Variants in RAB38 observed in about 807,000 individuals in gnomAD.
The protein encoded by RAB38 is ras-related protein Rab-38.
RAB38 carries 15 observed loss-of-function variants against 18.4 expected under a neutral mutation model. That is an observed-to-expected ratio of 0.82 (90% CI 0.55 to 1.26). The LOEUF is 1.26. RAB38 is among the 50% of genes most tolerant of loss of function. The probability of loss-of-function intolerance (pLI) is 0.00; values close to 1 mark genes in which losing one functional copy is unlikely to be tolerated. For missense variants in RAB38, 294 were observed against 267.4 expected, an observed-to-expected ratio of 1.10 and a Z score of -0.69; for synonymous variants, 101 against 104.4, an observed-to-expected ratio of 0.97 and a Z score of 0.20.
the RAB38 span, among the ~76,000 whole-genome samples, chr11:87,958,358 T>C: frequency 6.6e-6 from 1 of 152,218 alleles, no homozygotes; most frequent in Non-Finnish European, 1.5e-5. Context: ...TAACCCAAGT[T>C]AAGAAGCATC....
chr11:87,931,428 G>A, the RAB38 span, among the ~76,000 whole-genome samples: 5 of 151,962 alleles, frequency 3.3e-5, no homozygotes, highest in Non-Finnish European at 7.4e-5. Flanking sequence ...TCAGGCTGAT[G>A]CTTTGCACTA....
the RAB38 span, among the ~76,000 whole-genome samples, chr11:87,871,388 C>G: frequency 5.3e-5 from 8 of 151,576 alleles, no homozygotes; most frequent in African/African-American, 1.9e-4. Flanking sequence ...AAAACAAATT[C>G]TCAAATATAT....
the RAB38 span, among the ~76,000 whole-genome samples, chr11:87,905,516 C>A: frequency 6.6e-6 from 1 of 151,792 alleles, no homozygotes; most frequent in Non-Finnish European, 1.5e-5. Context: ...TGTACTTCAG[C>A]TTTTTTATAT....
the RAB38 span, among the ~76,000 whole-genome samples, chr11:88,003,702 ATTG>A: frequency 1.2e-3 from 3 of 2,410 alleles, no homozygotes; most frequent in African/African-American, 8.7e-3. Flanking sequence ...TATATAATAT[ATTG>A]TATATATTAT....
At chr11:87,880,769 C>G in the RAB38 span, among the ~76,000 whole-genome samples, 15,147 of 151,876 alleles carry the variant, frequency 0.1, 1,092 homozygotes, top group Admixed American at 0.22. Context: ...ATATTATTCA[C>G]TCAGTCAATT....
the RAB38 span, among the ~76,000 whole-genome samples, chr11:87,950,288 C>A: frequency 6.6e-6 from 1 of 152,032 alleles, no homozygotes; most frequent in South Asian, 2.1e-4. Flanking sequence ...TGTCTCTGCA[C>A]GTGAGATGGG....
rs371871949 is a variant in RAB38, at chr11:88,175,407, C to G, written c.-23G>C. The G allele has an allele frequency of 3.5e-5, 54 of 1,552,184 alleles. No homozygotes were observed. In the African/African-American group the frequency reaches 4.3e-4, roughly 12 times the overall value. On this transcript the variant is annotated 5_prime_UTR_variant, in exon 1 of 3. Coordinates refer to ENST00000243662, the MANE Select transcript of RAB38 (RefSeq NM_022337.3). The stretch of plus-strand genomic sequence containing the variant: ...CATCCTGGCGGCCGGCCAGACGTGC[C>G]GTGCCTGACCAGGGAAGCGCAGCCT...
intron 2 of RAB38, among the ~76,000 whole-genome samples, chr11:88,127,613 C>CT (rs917821337): frequency 2.6e-5 from 4 of 152,116 alleles, no homozygotes; most frequent in African/African-American, 7.2e-5. Flanking sequence ...CCATTTTTAT[C>CT]TTTCTCTAAT....
At chr11:87,937,342 ATATATATATC>A in the RAB38 span, among the ~76,000 whole-genome samples, 100 of 123,366 alleles carry the variant, frequency 8.1e-4, 3 homozygotes, top group South Asian at 0.01. Flanking sequence ...ATATATATAT[ATATATATATC>A]ATAATTCTAT....
the RAB38 span, among the ~76,000 whole-genome samples, chr11:87,812,477 G>A: frequency 1.1e-4 from 17 of 152,220 alleles, no homozygotes; most frequent in African/African-American, 3.6e-4. Flanking sequence ...CGTATGTTTT[G>A]GTTGGAGAAA....
the RAB38 span, chr11:87,880,153 G>A: frequency 6.6e-6 from 1 of 151,866 alleles, no homozygotes; most frequent in Non-Finnish European, 1.5e-5. Context: ...ACTAGAAATA[G>A]TATTTTTATT....
chr11:87,825,514 C>G, the RAB38 span, among the ~76,000 whole-genome samples: 2 of 152,120 alleles, frequency 1.3e-5, no homozygotes, highest in Non-Finnish European at 2.9e-5. Flanking sequence ...ATGTGGTTAT[C>G]TCCTTCTCTT....
chr11:87,941,320 T>G, the RAB38 span, among the ~76,000 whole-genome samples: 1 of 147,874 alleles, frequency 6.8e-6, no homozygotes, highest in Non-Finnish European at 1.5e-5. Context: ...TCTCATCCTC[T>G]AACCACATGG....
intron 2 of RAB38, among the ~76,000 whole-genome samples, chr11:88,130,923 A>C (rs553813878): frequency 6.6e-6 from 1 of 152,332 alleles, no homozygotes; most frequent in East Asian, 1.9e-4. Context: ...TGACTACTTC[A>C]GTTCATTGTT....
chr11:88,154,636 C>T (rs1185345133), intron 1 of RAB38, among the ~76,000 whole-genome samples: 1 of 152,186 alleles, frequency 6.6e-6, no homozygotes, highest in African/African-American at 2.4e-5. Flanking sequence ...GATCGTGGTA[C>T]AGCAAGTCCC....
the RAB38 span, among the ~76,000 whole-genome samples, chr11:88,069,937 AC>A: frequency 6.6e-6 from 1 of 152,192 alleles, no homozygotes; most frequent in South Asian, 2.1e-4. Flanking sequence ...ACCAATCAGC[AC>A]CCTGTCAAAA....
the RAB38 span, among the ~76,000 whole-genome samples, chr11:88,091,884 G>C: frequency 6.6e-6 from 1 of 151,898 alleles, no homozygotes; most frequent in Non-Finnish European, 1.5e-5. Flanking sequence ...GGCAACTGTA[G>C]AGGCTCTTGG....
chr11:87,826,152 G>A, the RAB38 span, among the ~76,000 whole-genome samples: 2 of 151,954 alleles, frequency 1.3e-5, no homozygotes, highest in African/African-American at 2.4e-5. Flanking sequence ...TATATAATAC[G>A]AGAATCAATG....
At chr11:88,080,224 A>G in the RAB38 span, among the ~76,000 whole-genome samples, 1 of 151,728 alleles carries the variant, frequency 6.6e-6, no homozygotes, top group African/African-American at 2.4e-5. Flanking sequence ...ATATAAAAAC[A>G]AAACAAAACA....
Sources: allele counts gnomAD v4.1 joint callset (sites outside exome capture counted in the v4.1 genomes callset), GRCh38; gene constraint gnomAD v4.1.1; transcripts MANE v1.5; gene names NCBI Gene and HGNC (gene_info 2026-07-23, HGNC 2026-07-21).